GPC5: variants seen among roughly 807,000 people sequenced by gnomAD.
GPC5 encodes the protein glypican-5.
In GPC5, 47 loss-of-function variants were observed where a neutral mutation model predicts 53.9. That is an observed-to-expected ratio of 0.87 (90% CI 0.69 to 1.11). GPC5 has a LOEUF of 1.11. GPC5 is among the 50% of genes most tolerant of loss of function. The pLI is 0.00. For synonymous variants in GPC5, 286 were observed against 263.3 expected (o/e 1.09, Z -0.84); for missense variants, 748 against 713.1 (o/e 1.05, Z -0.56).
At chr13:92,061,672 A>G (rs1440033393) in intron 6 of GPC5, among the ~76,000 whole-genome samples, 1 of 151,960 alleles carries the variant, frequency 6.6e-6, no homozygotes, top group Non-Finnish European at 1.5e-5. Flanking sequence ...CTGTAAATGG[A>G]CTCTATGAAC....
chr13:92,115,775 T>C (rs991529929), intron 6 of GPC5, among the ~76,000 whole-genome samples: 12 of 152,150 alleles, frequency 7.9e-5, no homozygotes, highest in Non-Finnish European at 1.6e-4. Context: ...GCATTTAGGA[T>C]TTTCCAGGCT....
intron 7 of GPC5, among the ~76,000 whole-genome samples, chr13:92,678,601 C>T (rs1887020951): frequency 1.3e-5 from 2 of 152,112 alleles, no homozygotes; most frequent in South Asian, 2.1e-4. Context: ...GAGTGAATAC[C>T]GTGGAAATGG....
At chr13:92,764,751 T>G (rs756294937) in intron 7 of GPC5, among the ~76,000 whole-genome samples, 1 of 152,108 alleles carries the variant, frequency 6.6e-6, no homozygotes, top group Non-Finnish European at 1.5e-5. Flanking sequence ...ATGTAATTAT[T>G]TATTCATGGT....
At chr13:92,325,472 G>A (rs181529543) in intron 7 of GPC5, among the ~76,000 whole-genome samples, 41 of 152,132 alleles carry the variant, frequency 2.7e-4, no homozygotes, top group Non-Finnish European at 5.7e-4. Context: ...TGAATATACA[G>A]TACCAGAGAC....
At chr13:91,636,354 A>G (rs577932184) in intron 2 of GPC5, among the ~76,000 whole-genome samples, 85 of 151,368 alleles carry the variant, frequency 5.6e-4, no homozygotes, top group African/African-American at 2.0e-3. Context: ...CATTAAAAAC[A>G]TATATAGTGT....
chr13:92,069,174 A>C (rs560838314), intron 6 of GPC5, among the ~76,000 whole-genome samples: 1 of 152,224 alleles, frequency 6.6e-6, no homozygotes, highest in East Asian at 1.9e-4. Flanking sequence ...ATTGCTTATA[A>C]ATATGAGGTT....
chr13:91,521,704 C>A (rs772726454), intron 2 of GPC5, among the ~76,000 whole-genome samples: 11 of 152,180 alleles, frequency 7.2e-5, no homozygotes, highest in Non-Finnish European at 1.3e-4. Flanking sequence ...AGAAAGCAAT[C>A]AGTTCTGCAG....
intron 5 of GPC5, among the ~76,000 whole-genome samples, chr13:91,771,085 C>A (rs552028180): frequency 1.8e-4 from 28 of 152,076 alleles, no homozygotes; most frequent in Non-Finnish European, 3.7e-4. Context: ...CAAAAGGTCA[C>A]CCTGCCACTA....
intron 4 of GPC5, among the ~76,000 whole-genome samples, chr13:91,742,292 C>T (rs2036952090): frequency 6.6e-6 from 1 of 152,066 alleles, no homozygotes; most frequent in Admixed American, 6.6e-5. Context: ...ATCATGTATC[C>T]CACTGAGAAT....
At chr13:92,452,219 A>G (rs1171953491) in intron 7 of GPC5, among the ~76,000 whole-genome samples, 1 of 152,196 alleles carries the variant, frequency 6.6e-6, no homozygotes, top group Non-Finnish European at 1.5e-5. Context: ...AGGAAAATGT[A>G]AATATGAAAG....
At chr13:91,496,377 TAA>T (rs1309529822) in intron 2 of GPC5, among the ~76,000 whole-genome samples, 1 of 152,122 alleles carries the variant, frequency 6.6e-6, no homozygotes, top group African/African-American at 2.4e-5. Context: ...GGAAGCAACC[TAA>T]GTGTCTATCA....
intron 6 of GPC5, among the ~76,000 whole-genome samples, chr13:91,983,806 G>A (rs918998773): frequency 2.0e-5 from 3 of 152,254 alleles, no homozygotes; most frequent in Admixed American, 6.5e-5. Context: ...TTTCATATTC[G>A]TAATTGGAAT....
intron 6 of GPC5, among the ~76,000 whole-genome samples, chr13:92,054,274 T>C (rs1379417910): frequency 6.6e-6 from 1 of 151,824 alleles, no homozygotes; most frequent in Non-Finnish European, 1.5e-5. Context: ...GACATACTTT[T>C]GATTCTTCTA....
rs141986559 is a variant in GPC5 at position 91,814,783 on chromosome 13, C to T, written c.1280+58363C>T. On this transcript the variant is annotated intron_variant, in intron 5 of 7. Coordinates refer to ENST00000377067, the MANE Select transcript of GPC5 (RefSeq NM_004466.6). ...CTTGAACTCCTGACTTCAGGTGATCCGCCCACCTCAGCCTCCCAAAGTACT... is the reference window on the plus strand; with the variant it reads ...CTTGAACTCCTGACTTCAGGTGATCTGCCCACCTCAGCCTCCCAAAGTACT... Among the ~76,000 whole-genome samples the T allele has an allele frequency of 7.9e-3, 1,200 of 152,108 alleles. 16 individuals carry two copies. The highest frequency in any genetic ancestry group is 0.028 in the African/African-American group (1,142 of 41,488).
At chr13:92,158,942 C>A (rs980891990) in intron 7 of GPC5, among the ~76,000 whole-genome samples, 2 of 152,252 alleles carry the variant, frequency 1.3e-5, no homozygotes, top group South Asian at 2.1e-4. Context: ...CACCCAGATG[C>A]TTTTGACCAA....
intron 6 of GPC5, among the ~76,000 whole-genome samples, chr13:92,025,505 G>A (rs765134891): frequency 6.6e-6 from 1 of 152,182 alleles, no homozygotes; most frequent in Non-Finnish European, 1.5e-5. Context: ...ACAAAGTAGT[G>A]AGAATTCCAT....
chr13:92,585,522 G>A (rs1883509675), intron 7 of GPC5, among the ~76,000 whole-genome samples: 1 of 152,180 alleles, frequency 6.6e-6, no homozygotes, highest in Non-Finnish European at 1.5e-5. Flanking sequence ...GCTCATGGGA[G>A]GAAGGGAATT....
At chr13:92,667,633 G>T (rs898800372) in intron 7 of GPC5, among the ~76,000 whole-genome samples, 15 of 152,038 alleles carry the variant, frequency 9.9e-5, no homozygotes, top group Non-Finnish European at 4.4e-5. Context: ...GATTGGAGAA[G>T]ATGGCTGACA....
intron 6 of GPC5, among the ~76,000 whole-genome samples, chr13:92,074,221 A>G (rs2041235370): frequency 6.6e-6 from 1 of 152,342 alleles, no homozygotes; most frequent in Non-Finnish European, 1.5e-5. Context: ...AAGTTGAGCT[A>G]TGTAAACAAT....
Sources: gnomAD v4.1 joint callset for allele counts (sites outside exome capture counted in the v4.1 genomes callset) on GRCh38, gnomAD v4.1.1 for gene constraint, MANE v1.5 for transcripts, NCBI Gene and HGNC (gene_info 2026-07-23, HGNC 2026-07-21) for gene names.